Variants in SYK observed in about 807,000 individuals in gnomAD.
SYK encodes the protein tyrosine-protein kinase SYK.
SYK carries 16 observed loss-of-function variants against 77.8 expected under a neutral mutation model. The observed-to-expected ratio is 0.21, with a 90% confidence interval of 0.14 to 0.31. SYK has a LOEUF of 0.31. Among genes scored for constraint, SYK ranks in the 10% least tolerant of loss-of-function variants. The pLI, the probability that SYK is intolerant of heterozygous loss-of-function variation, is 1.00. For missense variants in SYK, 529 were observed against 814.4 expected (o/e 0.65, Z 4.26); for synonymous variants, 312 against 308.7 (o/e 1.01, Z -0.11).
At chr9:90,808,641 GC>G (rs1445059732) in intron 1 of SYK, among the ~76,000 whole-genome samples, 1 of 152,032 alleles carries the variant, frequency 6.6e-6, no homozygotes, top group African/African-American at 2.4e-5. Context: ...GTATGGCCAT[GC>G]CTTCCCTATT....
At chr9:90,858,162 A>G (rs1033175145) in intron 3 of SYK, among the ~76,000 whole-genome samples, 2 of 152,180 alleles carry the variant, frequency 1.3e-5, no homozygotes, top group Non-Finnish European at 2.9e-5. Context: ...AGAGGAGTCC[A>G]GCCCTTCCAG....
Position 90,873,369 on chromosome 9 carries a change from A to G in SYK, c.916-835A>G, listed in dbSNP as rs182849002. ...AAAAAAAAAAAAAAGCATCTGAATC[A>G]TGGTTCTCCTGTGAATTAAATTTAG... On this transcript the variant is annotated intron_variant, in intron 7 of 13. Transcript: ENST00000375754. Among the ~76,000 whole-genome samples the G allele has an allele frequency of 8.6e-5, 13 of 152,032 alleles. No individual in the cohort carries two copies. In the East Asian group the frequency reaches 2.5e-3, roughly 29 times the overall value.
At chr9:90,824,345 A>G (rs1825604849) in intron 1 of SYK, among the ~76,000 whole-genome samples, 1 of 152,214 alleles carries the variant, frequency 6.6e-6, no homozygotes, top group African/African-American at 2.4e-5. Flanking sequence ...AATCTCTTCC[A>G]GAAAATAGAA....
At chr9:90,835,402 T>C (rs765282271) in intron 1 of SYK, among the ~76,000 whole-genome samples, 7 of 152,208 alleles carry the variant, frequency 4.6e-5, no homozygotes, top group Non-Finnish European at 7.3e-5. Context: ...GCCGGTGCAC[T>C]TTTAAGAGGA....
chr9:90,826,776 A>G (rs2118462686), intron 1 of SYK, among the ~76,000 whole-genome samples: 1 of 152,308 alleles, frequency 6.6e-6, no homozygotes, highest in Admixed American at 6.5e-5. Context: ...GAGTAAGGGA[A>G]TGTTAGTAGA....
intron 11 of SYK, among the ~76,000 whole-genome samples, chr9:90,881,501 G>A (rs908226955): frequency 9.2e-5 from 14 of 151,946 alleles, no homozygotes; most frequent in African/African-American, 3.1e-4. Flanking sequence ...CCAACATGGT[G>A]AAATCCCGTC....
At chr9:90,829,916 T>C (rs903369491) in intron 1 of SYK, among the ~76,000 whole-genome samples, 15 of 152,364 alleles carry the variant, frequency 9.8e-5, no homozygotes, top group African/African-American at 3.6e-4. Context: ...AAAATGTCTA[T>C]GTGTTGGTTG....
intron 1 of SYK, among the ~76,000 whole-genome samples, chr9:90,834,897 T>G (rs928075747): frequency 6.6e-6 from 1 of 152,220 alleles, no homozygotes; most frequent in African/African-American, 2.4e-5. Context: ...CACATCAGAT[T>G]TGTGTCCACA....
chr9:90,838,843 C>T (rs998863297), intron 1 of SYK, among the ~76,000 whole-genome samples: 3 of 152,200 alleles, frequency 2.0e-5, no homozygotes, highest in African/African-American at 7.2e-5. Context: ...CAGAGTTAAG[C>T]ATTGTGAGTT....
Position 90,856,208 on chromosome 9 carries a change from T to C in SYK, c.579-5998T>C, listed in dbSNP as rs556884320. On this transcript the variant is annotated intron_variant, in intron 3 of 13. Transcript: ENST00000375754. ...TAATAAAATGGGGAGACTGATGTTT[T>C]ATCTGAGTCATTATGGAGATGACTT... 2.6e-5 allele frequency among the ~76,000 whole-genome samples: 4 copies of C among 152,354 alleles called. No homozygotes were observed. The East Asian group carries it at 7.7e-4, about 29-fold the overall frequency.
rs568390190 is a variant in SYK, at chr9:90,878,976, T to C, written c.1581+23T>C. 3.9e-5 allele frequency: 61 copies of C among 1,551,010 alleles called. 1 individual carries two copies. In the South Asian group the frequency reaches 6.5e-4, roughly 17 times the overall value. On this transcript the variant is annotated intron_variant, in intron 11 of 13. Coordinates refer to ENST00000375754, the MANE Select transcript of SYK (RefSeq NM_003177.7). ...AAGGTAAGTACAACTTAGCTAATAT[T>C]CAGAGCAGCAGGTGGTAAAAAATGC... is the stretch of plus-strand genomic sequence containing the variant.
intron 4 of SYK, 130 bp from the exon 5 acceptor site, chr9:90,864,459 A>T: frequency 4.0e-6 from 3 of 747,152 alleles, no homozygotes; most frequent in Non-Finnish European, 6.7e-6. Context: ...GAGTGGACTT[A>T]AGCACATAAA....
intron 13 of SYK, among the ~76,000 whole-genome samples, chr9:90,891,390 G>A (rs930824424): frequency 1.3e-5 from 2 of 151,752 alleles, no homozygotes; most frequent in Non-Finnish European, 2.9e-5. Flanking sequence ...CTCATGATCC[G>A]CCCGCCTCAG....
chr9:90,831,209 G>A (rs1391806023), intron 1 of SYK, among the ~76,000 whole-genome samples: 1 of 152,124 alleles, frequency 6.6e-6, no homozygotes, highest in African/African-American at 2.4e-5. Flanking sequence ...ACCTTCAATC[G>A]CTAAGGACTG....
intron 1 of SYK, among the ~76,000 whole-genome samples, chr9:90,840,363 T>A (rs1826249949): frequency 6.6e-6 from 1 of 151,496 alleles, no homozygotes; most frequent in African/African-American, 2.4e-5. Flanking sequence ...GGAAATGAGG[T>A]TGGAGGCCCG....
intron 6 of SYK, among the ~76,000 whole-genome samples, chr9:90,865,862 C>T (rs1292701047): frequency 2.7e-5 from 4 of 145,700 alleles, no homozygotes; most frequent in Admixed American, 2.0e-4. Flanking sequence ...GAATTATTTT[C>T]CTGCTCTTTT....
intron 1 of SYK, among the ~76,000 whole-genome samples, chr9:90,805,924 C>A (rs190639734): frequency 1.7e-4 from 26 of 152,328 alleles, no homozygotes; most frequent in Non-Finnish European, 1.0e-4. Flanking sequence ...TGTTTGTTGA[C>A]ACTGAGAATT....
intron 3 of SYK, among the ~76,000 whole-genome samples, chr9:90,847,988 C>T (rs1369215404): frequency 6.6e-6 from 1 of 152,212 alleles, no homozygotes; most frequent in Non-Finnish European, 1.5e-5. Flanking sequence ...CTTTCATCTC[C>T]TACAGAACCT....
At chr9:90,836,319 A>T (rs751983305) in intron 1 of SYK, among the ~76,000 whole-genome samples, 8 of 152,098 alleles carry the variant, frequency 5.3e-5, no homozygotes, top group Non-Finnish European at 1.2e-4. Context: ...GAAAAAGTTA[A>T]GTGTATATTG....
Sources: gnomAD v4.1 joint callset for allele counts (sites outside exome capture counted in the v4.1 genomes callset) on GRCh38, gnomAD v4.1.1 for gene constraint, MANE v1.5 for transcripts, NCBI Gene and HGNC (gene_info 2026-07-23, HGNC 2026-07-21) for gene names.